The following PITPNC1 variants were observed in gnomAD, a reference collection of about 807,000 sequenced individuals.
PITPNC1 encodes phosphatidylinositol transfer protein cytoplasmic 1.
In PITPNC1, 18 loss-of-function variants were observed where a neutral mutation model predicts 44.7. The ratio of observed to expected loss-of-function variants is 0.40; its 90% confidence interval spans 0.28 to 0.60. The LOEUF (loss-of-function observed/expected upper bound fraction) is 0.60, where lower values mean the gene tolerates loss of function less well. PITPNC1 is among the 20% of genes least tolerant of loss of function. The probability of loss-of-function intolerance (pLI) is 0.39; values close to 1 mark genes in which losing one functional copy is unlikely to be tolerated. For synonymous variants in PITPNC1, 141 were observed against 149.6 expected, an observed-to-expected ratio of 0.94 and a Z score of 0.42; for missense variants, 290 against 418.4, an observed-to-expected ratio of 0.69 and a Z score of 2.68.
intron 1 of PITPNC1, among the ~76,000 whole-genome samples, chr17:67,498,531 C>T (rs1295330360): frequency 6.6e-6 from 1 of 152,184 alleles, no homozygotes; most frequent in African/African-American, 2.4e-5. Flanking sequence ...TCTTTGAGGT[C>T]TTGTTTTCAA....
intron 1 of PITPNC1, among the ~76,000 whole-genome samples, chr17:67,422,747 C>T (rs879051540): frequency 6.6e-6 from 1 of 152,064 alleles, no homozygotes; most frequent in Non-Finnish European, 1.5e-5. Context: ...CCATGTTGGC[C>T]AGGCTGGTCT....
intron 4 of PITPNC1, among the ~76,000 whole-genome samples, chr17:67,569,696 G>A (rs553153135): frequency 2.0e-5 from 3 of 152,282 alleles, no homozygotes; most frequent in Admixed American, 6.5e-5. Flanking sequence ...TCTGGCTTAC[G>A]TGGATCTAAG....
chr17:67,507,482 C>T (rs569874302), intron 1 of PITPNC1, among the ~76,000 whole-genome samples: 3 of 152,028 alleles, frequency 2.0e-5, no homozygotes, highest in Non-Finnish European at 2.9e-5. Flanking sequence ...GTCACAAGTT[C>T]GAGACCAGCC....
chr17:67,588,176 A>G (rs1025432529), intron 5 of PITPNC1, among the ~76,000 whole-genome samples: 3 of 151,948 alleles, frequency 2.0e-5, no homozygotes, highest in African/African-American at 7.3e-5. Flanking sequence ...GCTAATGTTT[A>G]TATTTTTAGT....
At position 67,597,256 on chromosome 17, in the gene PITPNC1, T is replaced by C. The variant is rs1177905780; in HGVS notation, c.366+18999T>C. Among the ~76,000 whole-genome samples the C allele has an allele frequency of 6.6e-6, 1 of 152,088 alleles. No individual in the cohort carries two copies. The highest frequency in any genetic ancestry group is 2.4e-5 in the African/African-American group (1 of 41,404). Reference sequence around the variant, plus strand: ...ACATATCATAGATGTTCAGTAAATATCAATTATCTTCCTCAGGCTGAGCAT... The same window carrying C: ...ACATATCATAGATGTTCAGTAAATACCAATTATCTTCCTCAGGCTGAGCAT... On this transcript the variant is annotated intron_variant, in intron 5 of 8. Transcript: ENST00000581322. The surrounding 1 kb of genome is among the most constrained non-coding windows in gnomAD (Gnocchi z 4.0).
At chr17:67,632,077 C>T (rs1450685896) in intron 5 of PITPNC1, 66 bp from the exon 6 acceptor site, 4 of 954,110 alleles carry the variant, frequency 4.2e-6, no homozygotes, top group East Asian at 2.4e-5. Context: ...GGTTATTCTG[C>T]CTCGGGCACT....
At chr17:67,405,383 C>T (rs911939398) in intron 1 of PITPNC1, among the ~76,000 whole-genome samples, 7 of 151,186 alleles carry the variant, frequency 4.6e-5, no homozygotes, top group Non-Finnish European at 1.0e-4. Context: ...TGCCACTGTA[C>T]TCCAGTCTGG....
At chr17:67,419,625 G>A (rs1166465103) in intron 1 of PITPNC1, among the ~76,000 whole-genome samples, 1 of 152,192 alleles carries the variant, frequency 6.6e-6, no homozygotes, top group Non-Finnish European at 1.5e-5. Flanking sequence ...AATTAAAGAG[G>A]CCAGGCGCAG....
At chr17:67,664,597 A>G (rs941660569) in intron 6 of PITPNC1, among the ~76,000 whole-genome samples, 7 of 152,140 alleles carry the variant, frequency 4.6e-5, no homozygotes, top group African/African-American at 1.7e-4. Context: ...GGCGACCTGT[A>G]TATCTTCTTT....
chr17:67,465,479 G>A (rs1026487681), intron 1 of PITPNC1, among the ~76,000 whole-genome samples: 5 of 152,160 alleles, frequency 3.3e-5, no homozygotes, highest in Non-Finnish European at 5.9e-5. Context: ...TAAGTGCTCC[G>A]GGAGATTTCA....
chr17:67,426,758 T>A (rs2038772649), intron 1 of PITPNC1, among the ~76,000 whole-genome samples: 1 of 152,198 alleles, frequency 6.6e-6, no homozygotes, highest in Non-Finnish European at 1.5e-5. Context: ...TACATATGTT[T>A]AGAGAAAGGA....
At chr17:67,537,934 T>A (rs1487023286) in intron 2 of PITPNC1, among the ~76,000 whole-genome samples, 1 of 150,768 alleles carries the variant, frequency 6.6e-6, no homozygotes, top group Non-Finnish European at 1.5e-5. Context: ...ATCGCGCCAG[T>A]GCACTCCAGC....
intron 1 of PITPNC1, among the ~76,000 whole-genome samples, chr17:67,482,937 C>T (rs1044727400): frequency 6.6e-5 from 10 of 152,102 alleles, no homozygotes; most frequent in African/African-American, 4.8e-5. Flanking sequence ...AACTAGGAAC[C>T]GTGGGTCTGA....
intron 1 of PITPNC1, among the ~76,000 whole-genome samples, chr17:67,410,619 C>T (rs1429110130): frequency 3.3e-5 from 5 of 151,884 alleles, no homozygotes; most frequent in African/African-American, 1.2e-4. Flanking sequence ...CTCCTGGGCT[C>T]AAGCGATCCT....
At chr17:67,435,826 T>C (rs1354948307) in intron 1 of PITPNC1, among the ~76,000 whole-genome samples, 3 of 152,120 alleles carry the variant, frequency 2.0e-5, no homozygotes, top group African/African-American at 7.2e-5. Context: ...TACTCCAGCC[T>C]GGACAACAGA....
intron 1 of PITPNC1, among the ~76,000 whole-genome samples, chr17:67,530,207 TCA>T (rs924981557): frequency 2.1e-5 from 3 of 145,770 alleles, no homozygotes; most frequent in African/African-American, 5.0e-5. Flanking sequence ...TTCTCCTGCC[TCA>T]GACTTCCAAG....
chr17:67,550,783 C>T (rs940977170), intron 2 of PITPNC1, among the ~76,000 whole-genome samples: 4 of 152,102 alleles, frequency 2.6e-5, no homozygotes, highest in African/African-American at 7.2e-5. Context: ...AATCATGGGC[C>T]GGGCGCAGTC....
At chr17:67,471,218 A>AC (rs2039523352) in intron 1 of PITPNC1, among the ~76,000 whole-genome samples, 1 of 146,894 alleles carries the variant, frequency 6.8e-6, no homozygotes, top group South Asian at 2.2e-4. Context: ...AAATTAAAAA[A>AC]AAAATGTAAA....
At chr17:67,446,039 C>G (rs971300816) in intron 1 of PITPNC1, among the ~76,000 whole-genome samples, 1 of 151,974 alleles carries the variant, frequency 6.6e-6, no homozygotes, top group Non-Finnish European at 1.5e-5. Context: ...CTCTGCCTCC[C>G]GGGTTCAGGC....
Sources: gnomAD v4.1 joint callset for allele counts (sites outside exome capture counted in the v4.1 genomes callset) on GRCh38, gnomAD v4.1.1 for gene constraint, Gnocchi (gnomAD v3.1) non-coding constraint, MANE v1.5 for transcripts, NCBI Gene and HGNC (gene_info 2026-07-23, HGNC 2026-07-21) for gene names.